ADGRL4: variants seen among roughly 807,000 people sequenced by gnomAD.
The protein encoded by ADGRL4 is adhesion G protein-coupled receptor L4, also known as EGF, latrophilin and seven transmembrane domain containing 1.
ADGRL4 carries 90 observed loss-of-function variants against 74.8 expected under a neutral mutation model. That is an observed-to-expected ratio of 1.20 (90% CI 1.02 to 1.43). The LOEUF (loss-of-function observed/expected upper bound fraction) is 1.43, where lower values mean the gene tolerates loss of function less well. Ranked by LOEUF, ADGRL4 falls within the 40% of genes most tolerant of loss-of-function variation. The pLI, the probability that ADGRL4 is intolerant of heterozygous loss-of-function variation, is 0.00. For missense variants in ADGRL4, 881 were observed against 814.3 expected, an observed-to-expected ratio of 1.08 and a Z score of -1.00; for synonymous variants, 311 against 279.2, an observed-to-expected ratio of 1.11 and a Z score of -1.14.
At chr1:78,969,772 T>C (rs1045898541) in intron 2 of ADGRL4, among the ~76,000 whole-genome samples, 1 of 151,838 alleles carries the variant, frequency 6.6e-6, no homozygotes, top group African/African-American at 2.4e-5. Flanking sequence ...AAACTTATCG[T>C]ACATTTGTCA....
intron 2 of ADGRL4, among the ~76,000 whole-genome samples, chr1:78,955,681 CA>C (rs1418958044): frequency 6.6e-6 from 1 of 151,878 alleles, no homozygotes; most frequent in Non-Finnish European, 1.5e-5. Flanking sequence ...CGTAATCATT[CA>C]TTTTTTTCCT....
intron 2 of ADGRL4, among the ~76,000 whole-genome samples, chr1:78,968,929 G>T (rs1650114727): frequency 6.6e-6 from 1 of 152,200 alleles, no homozygotes; most frequent in South Asian, 2.1e-4. Context: ...TAAAGGAAAA[G>T]TGTACAGGAC....
chr1:78,975,832 C>T (rs1038410874), intron 2 of ADGRL4, among the ~76,000 whole-genome samples: 1 of 151,658 alleles, frequency 6.6e-6, no homozygotes, highest in African/African-American at 2.4e-5. Context: ...AGTTTTGAAA[C>T]ACTTTCTTTT....
intron 2 of ADGRL4, among the ~76,000 whole-genome samples, chr1:78,979,453 T>C (rs1650357043): frequency 6.6e-6 from 1 of 151,972 alleles, no homozygotes; most frequent in Non-Finnish European, 1.5e-5. Flanking sequence ...ACGTATTGCT[T>C]CTGACATATT....
At chr1:78,980,328 C>T (rs182292661) in intron 2 of ADGRL4, among the ~76,000 whole-genome samples, 2 of 151,648 alleles carry the variant, frequency 1.3e-5, no homozygotes, top group East Asian at 1.9e-4. Context: ...TGAAGAGTGG[C>T]GACTTTGTTT....
At chr1:78,894,055 A>T (rs1335813890) in intron 12 of ADGRL4, among the ~76,000 whole-genome samples, 1 of 151,896 alleles carries the variant, frequency 6.6e-6, no homozygotes, top group Non-Finnish European at 1.5e-5. Flanking sequence ...CTAATCCCTT[A>T]TGAAATCTAT....
intron 12 of ADGRL4, among the ~76,000 whole-genome samples, chr1:78,900,547 G>A (rs1023229905): frequency 6.6e-6 from 1 of 152,176 alleles, no homozygotes; most frequent in Non-Finnish European, 1.5e-5. Flanking sequence ...GTTATCTTTA[G>A]TGTTGGAGGA....
chr1:78,937,035 T>C (rs1649368860), intron 6 of ADGRL4, among the ~76,000 whole-genome samples: 1 of 152,204 alleles, frequency 6.6e-6, no homozygotes, highest in South Asian at 2.1e-4. Flanking sequence ...CTCAATTTGA[T>C]ACAAGATTCT....
intron 2 of ADGRL4, among the ~76,000 whole-genome samples, chr1:78,987,046 G>A (rs1195720131): frequency 6.6e-6 from 1 of 151,748 alleles, no homozygotes; most frequent in Non-Finnish European, 1.5e-5. Flanking sequence ...GGAGATGTCA[G>A]TGCTATTTTA....
intron 2 of ADGRL4, among the ~76,000 whole-genome samples, chr1:78,958,303 T>C (rs1649875088): frequency 6.6e-6 from 1 of 152,156 alleles, no homozygotes; most frequent in Non-Finnish European, 1.5e-5. Flanking sequence ...TACACTTTTA[T>C]AAGGTTGTAG....
At chr1:78,981,872 T>C (rs1358768831) in intron 2 of ADGRL4, among the ~76,000 whole-genome samples, 1 of 151,802 alleles carries the variant, frequency 6.6e-6, no homozygotes, top group Admixed American at 6.6e-5. Flanking sequence ...CTTGACATAA[T>C]TACAGCACAA....
intron 7 of ADGRL4, among the ~76,000 whole-genome samples, chr1:78,929,074 T>C (rs1649182833): frequency 6.6e-6 from 1 of 151,564 alleles, no homozygotes; most frequent in South Asian, 2.1e-4. Flanking sequence ...TCATAAGTAA[T>C]TTGAAAATAA....
Position 78,917,856 on chromosome 1 carries a change from T to C in ADGRL4, c.1656A>G (p.Gly552=), listed in dbSNP as rs374889582. 1.3e-5 allele frequency: 21 copies of C among 1,612,612 alleles called. No homozygotes were observed. Among genetic ancestry groups the C allele is most frequent in the Non-Finnish European group, 1.7e-5 (20 of 1,179,122 alleles). The part of the protein sequence containing the change: ...AVVVGFSAAL[G]YRYYGTTKVC... ...CTTTGGTTGTGCCATAATATCTGTA[T>C]CCTAGTGCTGCCGAAAATCCAACTA... Residue 552 remains glycine (G), a synonymous_variant, in exon 11 of 15, where the codon GGA becomes GGG. Transcript: ENST00000370742.
rs1240118618 is a variant in ADGRL4, at chr1:78,926,205, C to T, written c.1083+681G>A. 3.3e-5 allele frequency among the ~76,000 whole-genome samples: 5 copies of T among 151,948 alleles called. No individual in the cohort carries two copies. The East Asian group carries it at 7.7e-4, about 24-fold the overall frequency. Reference sequence around the variant, plus strand: ...CTTCAAATGGAACTTCGAAAGTACTCGAATCATGTACTAGAACTGAAATTC... The same window carrying T: ...CTTCAAATGGAACTTCGAAAGTACTTGAATCATGTACTAGAACTGAAATTC... On this transcript the variant is annotated intron_variant, in intron 8 of 14. Transcript: ENST00000370742.
At chr1:78,912,227 T>A (rs1335350065) in intron 12 of ADGRL4, among the ~76,000 whole-genome samples, 1 of 152,022 alleles carries the variant, frequency 6.6e-6, no homozygotes, top group African/African-American at 2.4e-5. Context: ...AGCTCTATGA[T>A]TGAGATGTAA....
intron 2 of ADGRL4, among the ~76,000 whole-genome samples, chr1:78,993,180 A>G (rs572124911): frequency 7.9e-4 from 121 of 152,266 alleles, no homozygotes; most frequent in African/African-American, 2.7e-3. Context: ...GCAATACAAA[A>G]GTTCTCATAA....
intron 7 of ADGRL4, among the ~76,000 whole-genome samples, chr1:78,935,054 G>A (rs1046765705): frequency 3.9e-5 from 6 of 152,172 alleles, no homozygotes; most frequent in Admixed American, 3.9e-4. Context: ...CCATTACTGG[G>A]TATGTACCCA....
chr1:78,947,961 A>G (rs539128676), intron 2 of ADGRL4, among the ~76,000 whole-genome samples: 2 of 152,278 alleles, frequency 1.3e-5, no homozygotes, highest in African/African-American at 4.8e-5. Flanking sequence ...AGATTATTCC[A>G]AATGTTTTAT....
At chr1:78,949,141 A>G (rs1448035279) in intron 2 of ADGRL4, among the ~76,000 whole-genome samples, 1 of 152,106 alleles carries the variant, frequency 6.6e-6, no homozygotes, top group Non-Finnish European at 1.5e-5. Flanking sequence ...TAAAAATGAT[A>G]TGCAAAAATA....
Sources: gnomAD v4.1 joint callset for allele counts (sites outside exome capture counted in the v4.1 genomes callset) on GRCh38, gnomAD v4.1.1 for gene constraint, MANE v1.5 for transcripts, NCBI Gene and HGNC (gene_info 2026-07-23, HGNC 2026-07-21) for gene names.